Variants in TET3 observed in about 807,000 individuals in gnomAD.
TET3 encodes the protein tet methylcytosine dioxygenase 3, also known as methylcytosine dioxygenase TET3.
A neutral mutation model predicts 141.4 loss-of-function variants in TET3; 19 were observed. The ratio of observed to expected loss-of-function variants is 0.13; its 90% CI spans 0.09 to 0.20. The LOEUF is 0.20. TET3 is among the 10% of genes least tolerant of loss of function. TET3 has a pLI of 1.00. For synonymous variants in TET3, 1,043 were observed against 980.9 expected, an observed-to-expected ratio of 1.06 and a Z score of -1.18; for missense variants, 1,874 against 2,356.9, an observed-to-expected ratio of 0.80 and a Z score of 4.24.
chr2:74,068,615 A>G (rs368487247), intron 4 of TET3, among the ~76,000 whole-genome samples: 10 of 152,238 alleles, frequency 6.6e-5, no homozygotes, highest in Non-Finnish European at 1.3e-4. Flanking sequence ...AAATTCCTAG[A>G]AATAAATTTT....
chr2:74,103,403 A>G lies in TET3; in HGVS notation c.*1227A>G, dbSNP rs1558801088. 6.6e-6 allele frequency: 1 copy of G among 152,236 alleles called. No homozygotes were observed. Among genetic ancestry groups the G allele is most frequent in the Admixed American group, 6.5e-5 (1 of 15,276 alleles). The allele number at this position is 152,236 out of a possible 1,614,324, so 9.4% of individuals were successfully genotyped here. ...GATCCCTGAATTTCCACATTGGACAATGGTGCATGCCTCACACCTGAGCCT... is the reference window on the plus strand; with the variant it reads ...GATCCCTGAATTTCCACATTGGACAGTGGTGCATGCCTCACACCTGAGCCT... On this transcript the variant is annotated 3_prime_UTR_variant, in exon 12 of 12. Transcript: ENST00000409262.
In TET3 at chr2:74,105,230, A is replaced by G; in HGVS notation, c.*3054A>G. On this transcript the variant is annotated 3_prime_UTR_variant, in exon 12 of 12. Coordinates refer to ENST00000409262, the MANE Select transcript of TET3 (RefSeq NM_001287491.2). ...GAAGAGTCATATTATAGCAACGGAA[A>G]TCGATGGCGTCTTAGTCATCTCCCC... The G allele has an allele frequency of 2.5e-6, 1 of 398,648 alleles. No homozygotes were observed. 24.7% of individuals were successfully genotyped at this position (398,648 alleles called of 1,614,324 possible). A position where few individuals can be genotyped will look rare whatever the true frequency, so the allele number is the denominator to read the frequency against.
intron 3 of TET3, among the ~76,000 whole-genome samples, chr2:74,038,170 G>A (rs1406125226): frequency 6.6e-6 from 1 of 152,210 alleles, no homozygotes; most frequent in African/African-American, 2.4e-5. Context: ...TCAGCACAGG[G>A]TCCCCAGCTC....
chr2:74,084,733 A>G (rs535474265), intron 6 of TET3, among the ~76,000 whole-genome samples: 12 of 152,264 alleles, frequency 7.9e-5, no homozygotes, highest in African/African-American at 2.2e-4. Flanking sequence ...GATTACAGGC[A>G]TGAGCTAACG....
rs1449965097 is a variant in TET3 at position 74,107,611 on chromosome 2, G to A, written c.*5435G>A. ...ATGTATTCCAATTAAAGAAACAAGG[G>A]CAGGTCGTATAATGGCATATTAATA... On this transcript the variant is annotated 3_prime_UTR_variant, in exon 12 of 12. Coordinates refer to ENST00000409262, the MANE Select transcript of TET3 (RefSeq NM_001287491.2). 2 of 152,138 alleles carry A rather than the reference G, an allele frequency of 1.3e-5. No individual in the cohort carries two copies. Among genetic ancestry groups the A allele is most frequent in the Non-Finnish European group, 2.9e-5 (2 of 68,030 alleles). The allele number at this position is 152,138 out of a possible 1,614,324, so 9.4% of individuals were successfully genotyped here. A position where few individuals can be genotyped will look rare whatever the true frequency, so the allele number is the denominator to read the frequency against.
At position 74,102,383 on chromosome 2, in the gene TET3, T is replaced by C; in HGVS notation, c.*207T>C. 1 of 690,924 alleles carries C rather than the reference T, an allele frequency of 1.4e-6. No individual in the cohort carries two copies. The highest frequency in any genetic ancestry group is 2.0e-6 in the Non-Finnish European group (1 of 499,988). 42.8% of individuals were successfully genotyped at this position (690,924 alleles called of 1,614,324 possible). A position where few individuals can be genotyped will look rare whatever the true frequency, so the allele number is the denominator to read the frequency against. ...CCCTTACCCCCACTTCCCCAGCACT[T>C]TGAAGAAGAAACTACGGCTGTCGGG... is the stretch of plus-strand genomic sequence containing the variant. On this transcript the variant is annotated 3_prime_UTR_variant, in exon 12 of 12. Coordinates refer to ENST00000409262, the MANE Select transcript of TET3 (RefSeq NM_001287491.2).
At chr2:74,065,529 C>T (rs1015796733) in intron 4 of TET3, among the ~76,000 whole-genome samples, 26 of 151,450 alleles carry the variant, frequency 1.7e-4, no homozygotes, top group Non-Finnish European at 3.4e-4. Flanking sequence ...AACCATTTCT[C>T]CAAGACCACC....
Position 74,035,942 on chromosome 2 carries a change from G to A in TET3, c.361-10336G>A, listed in dbSNP as rs144601316. Among the ~76,000 whole-genome samples, 406 of 148,594 alleles carry A rather than the reference G, an allele frequency of 2.7e-3. 2 individuals are homozygous for A. The highest frequency in any genetic ancestry group is 4.8e-3 in the Non-Finnish European group (323 of 67,114). The stretch of plus-strand genomic sequence containing the variant: ...CTGAGGTACAAGAATCATTGAGCCC[G>A]GGAGGCAGAGGTTTCAATGAGCCAA... On this transcript the variant is annotated intron_variant, in intron 3 of 11. Coordinates refer to ENST00000409262, the MANE Select transcript of TET3 (RefSeq NM_001287491.2).
chr2:74,013,698 G>A (rs969423367), intron 3 of TET3, among the ~76,000 whole-genome samples: 1 of 152,126 alleles, frequency 6.6e-6, no homozygotes, highest in African/African-American at 2.4e-5. Context: ...TGTATTCCCA[G>A]TTACTTGGGA....
the TET3 span, among the ~76,000 whole-genome samples, chr2:74,126,646 C>T: frequency 1.3e-5 from 2 of 151,882 alleles, no homozygotes; most frequent in Non-Finnish European, 2.9e-5. Context: ...GGACTACAGG[C>T]ACCCGCCACC....
chr2:74,056,309 G>T (rs1405698041), intron 4 of TET3, among the ~76,000 whole-genome samples: 1 of 152,144 alleles, frequency 6.6e-6, no homozygotes, highest in Non-Finnish European at 1.5e-5. Context: ...GTAATGAGTG[G>T]TTTCTTGTGT....
In TET3 at chr2:74,103,312, C is replaced by G. The variant is rs1558801015; in HGVS notation, c.*1136C>G. ...GTGTTGTGCTGGGACTTTCTTGACTCTTGGGCAGGTCACATCCTACAGGAG... is the reference window on the plus strand; with the variant it reads ...GTGTTGTGCTGGGACTTTCTTGACTGTTGGGCAGGTCACATCCTACAGGAG... On this transcript the variant is annotated 3_prime_UTR_variant, in exon 12 of 12. Coordinates refer to ENST00000409262, the MANE Select transcript of TET3 (RefSeq NM_001287491.2). The G allele has an allele frequency of 6.6e-6, 1 of 152,542 alleles. No homozygotes were observed. The highest frequency in any genetic ancestry group is 1.5e-5 in the Non-Finnish European group (1 of 68,248). The allele number at this position is 152,542 out of a possible 1,614,324, so 9.4% of individuals were successfully genotyped here.
chr2:74,084,807 T>C (rs1280498750), intron 6 of TET3, among the ~76,000 whole-genome samples: 5 of 151,972 alleles, frequency 3.3e-5, no homozygotes. Flanking sequence ...CGTGGTAGCA[T>C]GCGCCTGTAG....
At chr2:74,123,158 G>T in the TET3 span, 1 of 152,330 alleles carries the variant, frequency 6.6e-6, no homozygotes, top group South Asian at 2.1e-4. Flanking sequence ...TTGGAAAAAT[G>T]AAGATGAAAA....
chr2:74,086,363 G>A (rs1690159750), intron 6 of TET3, among the ~76,000 whole-genome samples: 1 of 151,766 alleles, frequency 6.6e-6, no homozygotes, highest in East Asian at 1.9e-4. Flanking sequence ...AGCAGTGGAT[G>A]CCCAGGGCTC....
At chr2:74,130,519 T>A in the TET3 span, 2 of 152,216 alleles carry the variant, frequency 1.3e-5, no homozygotes. Context: ...CAGCTGGAGC[T>A]CACAAGCCAC....
the TET3 span, among the ~76,000 whole-genome samples, chr2:74,118,508 A>G: frequency 1.3e-5 from 2 of 152,224 alleles, no homozygotes; most frequent in East Asian, 3.8e-4. Context: ...TTGTAAGAAT[A>G]CAGTATATAA....
At chr2:74,008,280 T>A (rs761372553) in intron 3 of TET3, among the ~76,000 whole-genome samples, 1 of 152,214 alleles carries the variant, frequency 6.6e-6, no homozygotes, top group Non-Finnish European at 1.5e-5. Context: ...TCAGCTTCTG[T>A]AGATAAGGAT....
the TET3 span, among the ~76,000 whole-genome samples, chr2:74,114,464 A>G: frequency 7.9e-5 from 12 of 152,310 alleles, no homozygotes; most frequent in East Asian, 2.3e-3. Flanking sequence ...GAAATAAACA[A>G]TGTGAATACA....
Sources: gnomAD v4.1 joint callset for allele counts (sites outside exome capture counted in the v4.1 genomes callset) on GRCh38, gnomAD v4.1.1 for gene constraint, MANE v1.5 for transcripts, NCBI Gene and HGNC (gene_info 2026-07-23, HGNC 2026-07-21) for gene names.